Variants in ADCY8 observed in about 807,000 individuals in gnomAD.
The protein encoded by ADCY8 is adenylate cyclase type 8.
ADCY8 carries 51 observed loss-of-function variants against 119.7 expected under a neutral mutation model. The ratio of observed to expected loss-of-function variants is 0.43; its 90% confidence interval spans 0.34 to 0.54. The LOEUF (loss-of-function observed/expected upper bound fraction) is 0.54. ADCY8 is among the 20% of genes least tolerant of loss of function. The probability of loss-of-function intolerance (pLI) is 0.03; values close to 1 mark genes in which losing one functional copy is unlikely to be tolerated. For missense variants in ADCY8, 1,383 were observed against 1,598.8 expected, an observed-to-expected ratio of 0.87 and a Z score of 2.30; for synonymous variants, 665 against 651.0, an observed-to-expected ratio of 1.02 and a Z score of -0.33.
rs1282907770 is a variant in ADCY8 at position 131,040,160 on chromosome 8, G to T, written c.174C>A (p.Ser58Arg). Reference protein sequence around the residue: ...QRFIHGHRGGSGSGSGGSGKA... With the variant: ...QRFIHGHRGGRGSGSGGSGKA... ...TGCCCGAGCCTCCACTCCCGCTGCC[G>T]CTGCCTCCCCGGTGCCCGTGAATGA... The change falls in exon 1 of 18, where the codon AGC becomes AGA. Residue 58 changes from serine (S) to arginine (R), a missense_variant. By Grantham distance (110) the Ser-to-Arg change is moderately radical. Transcript: ENST00000286355. 1.2e-5 allele frequency: 19 copies of T among 1,532,960 alleles called. No homozygotes were observed. Among genetic ancestry groups the T allele is most frequent in the Non-Finnish European group, 1.5e-5 (17 of 1,145,418 alleles). The allele number at this position is 1,532,960 out of a possible 1,614,324, so 95.0% of individuals were successfully genotyped here.
In ADCY8 at chr8:131,039,940, G is replaced by A; in HGVS notation, c.394C>T (p.Leu132Phe). The A allele has an allele frequency of 6.2e-7, 1 of 1,602,666 alleles. No individual in the cohort carries two copies. The highest frequency in any genetic ancestry group is 8.5e-7 in the Non-Finnish European group (1 of 1,174,702). Residue 132 changes from leucine to phenylalanine, a missense_variant, in exon 1 of 18, where the codon CTT becomes TTT. Coordinates refer to ENST00000286355, the MANE Select transcript of ADCY8 (RefSeq NM_001115.3). ...TCCGAGTTGCTAGGGGCACAGTCAA[G>A]GTGCAGGAAGCCCAGGTCGCCCCCG... The part of the protein sequence containing the change: ...GGGGDLGFLH[L>F]DCAPSNSDFF...
chr8:130,844,246 G>A (rs1383560926), intron 11 of ADCY8, among the ~76,000 whole-genome samples: 1 of 152,142 alleles, frequency 6.6e-6, no homozygotes, highest in East Asian at 1.9e-4. Flanking sequence ...TTGTGCATGT[G>A]ATTTGCATTC....
chr8:130,930,542 C>T lies in ADCY8; in HGVS notation c.1481+6531G>A, dbSNP rs576876971. ...CTGGGATTACAGGTGTGAGCCACCG[C>T]GCCCAGCCTCTTGCTTCTATTTTTT... On this transcript the variant is annotated intron_variant, in intron 5 of 17. Coordinates refer to ENST00000286355, the MANE Select transcript of ADCY8 (RefSeq NM_001115.3). 2.4e-3 allele frequency among the ~76,000 whole-genome samples: 366 copies of T among 152,204 alleles called. 2 individuals are homozygous for T. Among genetic ancestry groups the T allele is most frequent in the African/African-American group, 8.5e-3 (352 of 41,530 alleles).
At chr8:130,894,753 A>G (rs1167326522) in intron 7 of ADCY8, among the ~76,000 whole-genome samples, 1 of 152,190 alleles carries the variant, frequency 6.6e-6, no homozygotes, top group African/African-American at 2.4e-5. Context: ...AATATCCGTT[A>G]TCTTTTCTCT....
At position 130,821,401 on chromosome 8, in the gene ADCY8, C is replaced by G. The variant is rs1207965168; in HGVS notation, c.2695G>C (p.Glu899Gln). The G allele has an allele frequency of 1.9e-6, 3 of 1,613,128 alleles. No homozygotes were observed. The African/African-American group carries it at 4.0e-5, about 22-fold the overall frequency. ...ATGGCCATCAGTAGCAGTGATACCTCCTTGGTCCCCAGGAAATCTCTGTTG... is the reference window on the plus strand; with the variant it reads ...ATGGCCATCAGTAGCAGTGATACCTGCTTGGTCCCCAGGAAATCTCTGTTG... ...HSGEDFLGTK[E>Q]VSLLLMAMFL... is the part of the protein sequence containing the mutation. Residue 899 changes from glutamate (E) to glutamine (Q), a missense_variant, in exon 13 of 18, where the codon GAG becomes CAG. This residue lies in a region of ADCY8 where 928 missense variants were observed against 1,163.5 expected (regional missense o/e 0.80). Transcript: ENST00000286355.
chr8:131,023,889 A>G (rs967240461), intron 1 of ADCY8, among the ~76,000 whole-genome samples: 6 of 152,224 alleles, frequency 3.9e-5, no homozygotes, highest in Non-Finnish European at 7.4e-5. Flanking sequence ...ACCTTCCACA[A>G]AATTAAGAAG....
intron 1 of ADCY8, among the ~76,000 whole-genome samples, chr8:131,020,669 G>T (rs1484810816): frequency 6.6e-6 from 1 of 152,148 alleles, no homozygotes; most frequent in African/African-American, 2.4e-5. Flanking sequence ...ATCATAAGCT[G>T]CAAATTAGAG....
Position 130,993,313 on chromosome 8 carries a change from A to G in ADCY8, c.961-2771T>C, listed in dbSNP as rs375218319. Among the ~76,000 whole-genome samples, 18 of 152,350 alleles carry G rather than the reference A, an allele frequency of 1.2e-4. 1 individual carries two copies. Among genetic ancestry groups the G allele is most frequent in the Admixed American group, 5.9e-4 (9 of 15,306 alleles). On this transcript the variant is annotated intron_variant, in intron 1 of 17. Coordinates refer to ENST00000286355, the MANE Select transcript of ADCY8 (RefSeq NM_001115.3). ...CACAGCCTCAAAGTATACACTGCAA[A>G]ATAAGATAAAAGTCTATGTAATTAT...
chr8:130,788,213 G>A (rs978544293), intron 15 of ADCY8, among the ~76,000 whole-genome samples: 1 of 152,160 alleles, frequency 6.6e-6, no homozygotes, highest in Non-Finnish European at 1.5e-5. Flanking sequence ...CATTTCCTTT[G>A]GGTATACACC....
rs540453651 is a variant in ADCY8, at chr8:130,971,855, T to G, written c.1110+18538A>C. Reference sequence around the variant, plus strand: ...GAGCTTCAAATAGTTGGATGTGGAATTAGGCAAGGGCCAGATTATAAAGAG... The same window carrying G: ...GAGCTTCAAATAGTTGGATGTGGAAGTAGGCAAGGGCCAGATTATAAAGAG... On this transcript the variant is annotated intron_variant, in intron 2 of 17. Transcript: ENST00000286355. Among the ~76,000 whole-genome samples the G allele has an allele frequency of 1.9e-4, 29 of 152,336 alleles. No individual in the cohort carries two copies. The South Asian group carries it at 2.7e-3, about 14-fold the overall frequency.
In ADCY8 at chr8:130,964,110, C is replaced by T. The variant is rs577510942; in HGVS notation, c.1111-12112G>A. ...CCAAGTCCTCGTACGTCATGTAGAC[C>T]TGCATCCTTCTGCCTCACTGAAACC... On this transcript the variant is annotated intron_variant, in intron 2 of 17. Transcript: ENST00000286355. Among the ~76,000 whole-genome samples the T allele has an allele frequency of 2.6e-5, 4 of 152,300 alleles. No homozygotes were observed. In the South Asian group the frequency reaches 6.2e-4, roughly 24 times the overall value.
chr8:131,033,806 G>T (rs535191339), intron 1 of ADCY8, among the ~76,000 whole-genome samples: 1 of 148,134 alleles, frequency 6.8e-6, no homozygotes, highest in East Asian at 2.0e-4. Flanking sequence ...AAGAAAGAAA[G>T]AAAAGAAAAA....
At chr8:130,929,044 C>T (rs118070024) in intron 5 of ADCY8, among the ~76,000 whole-genome samples, 3,267 of 151,954 alleles carry the variant, frequency 0.021, 74 homozygotes, top group South Asian at 0.08. Flanking sequence ...TGAATTTATT[C>T]ATTTTATTTT....
At chr8:130,822,738 T>C (rs1285650237) in intron 12 of ADCY8, among the ~76,000 whole-genome samples, 2 of 152,238 alleles carry the variant, frequency 1.3e-5, no homozygotes, top group Non-Finnish European at 2.9e-5. Context: ...ACATGAGGTT[T>C]GGACTCGTGA....
At chr8:130,946,778 C>T (rs1007868316) in intron 3 of ADCY8, among the ~76,000 whole-genome samples, 1 of 152,158 alleles carries the variant, frequency 6.6e-6, no homozygotes, top group African/African-American at 2.4e-5. Context: ...ATGGTCATGG[C>T]CCCCAGTGGC....
intron 9 of ADCY8, among the ~76,000 whole-genome samples, chr8:130,857,928 T>C (rs1363487611): frequency 6.6e-6 from 1 of 152,166 alleles, no homozygotes; most frequent in African/African-American, 2.4e-5. Context: ...CTTAAAAAAA[T>C]CATTACAAAC....
chr8:130,827,061 T>TA (rs1056074125), intron 12 of ADCY8, among the ~76,000 whole-genome samples: 1 of 151,962 alleles, frequency 6.6e-6, no homozygotes, highest in South Asian at 2.1e-4. Context: ...ACTTAAAGTA[T>TA]AAAAAAAAGA....
rs573250090 is a variant in ADCY8, at chr8:130,962,564, A to C, written c.1111-10566T>G. Among the ~76,000 whole-genome samples the C allele has an allele frequency of 2.3e-4, 35 of 152,350 alleles. 1 individual carries two copies. In the South Asian group the frequency reaches 7.0e-3, roughly 31 times the overall value. ...ATAACATACTCTATTCAAGTCGTCA[A>C]AATGGTTTTACAGGCATCAATTGCT... On this transcript the variant is annotated intron_variant, in intron 2 of 17. Coordinates refer to ENST00000286355, the MANE Select transcript of ADCY8 (RefSeq NM_001115.3).
intron 14 of ADCY8, among the ~76,000 whole-genome samples, chr8:130,807,587 A>G (rs1408664130): frequency 6.6e-6 from 1 of 152,170 alleles, no homozygotes; most frequent in East Asian, 1.9e-4. Flanking sequence ...GCCATCGTGG[A>G]AGCAGAAACA....
Sources: gnomAD v4.1 joint callset for allele counts (sites outside exome capture counted in the v4.1 genomes callset) on GRCh38, gnomAD v4.1.1 for gene constraint, gnomAD v4.1.1 regional missense constraint, MANE v1.5 for transcripts, NCBI Gene and HGNC (gene_info 2026-07-23, HGNC 2026-07-21) for gene names.